Variants in ASIC2 observed in about 807,000 individuals in gnomAD.
ASIC2 encodes the protein acid sensing ion channel subunit 2, also known as acid-sensing ion channel 2.
In ASIC2, 25 loss-of-function variants were observed where a neutral mutation model predicts 57.3. The ratio of observed to expected loss-of-function variants is 0.44; its 90% confidence interval spans 0.32 to 0.61. The LOEUF (loss-of-function observed/expected upper bound fraction) is 0.61, where lower values mean the gene tolerates loss of function less well. Ranked by LOEUF, ASIC2 falls within the 20% of genes least tolerant of loss-of-function variation. The probability of loss-of-function intolerance (pLI) is 0.06; values close to 1 mark genes in which losing one functional copy is unlikely to be tolerated. For synonymous variants in ASIC2, 319 were observed against 307.5 expected (o/e 1.04, Z -0.39); for missense variants, 641 against 738.1 (o/e 0.87, Z 1.52).
At chr17:34,114,529 G>T (rs1350480452) in intron 1 of ASIC2, among the ~76,000 whole-genome samples, 1 of 152,184 alleles carries the variant, frequency 6.6e-6, no homozygotes, top group Non-Finnish European at 1.5e-5. Context: ...CTTGCTGTGT[G>T]TTTTTGGCAA....
chr17:33,573,728 G>A lies in ASIC2; in HGVS notation c.556-461661C>T, dbSNP rs181907595. Among the ~76,000 whole-genome samples, 12 of 152,174 alleles carry A rather than the reference G, an allele frequency of 7.9e-5. No homozygotes were observed. The East Asian group carries it at 1.2e-3, about 15-fold the overall frequency. ...CTACAGGTGCATACCACCACGCCCC[G>A]CTAATTTTTGTATTTTTAACAGAGA... On this transcript the variant is annotated intron_variant, in intron 1 of 9. Coordinates refer to the ASIC2 transcript ENST00000359872.
At chr17:33,629,315 A>G (rs894722099) in intron 1 of ASIC2, among the ~76,000 whole-genome samples, 1 of 73,448 alleles carries the variant, frequency 1.4e-5, no homozygotes, top group Non-Finnish European at 2.6e-5. Context: ...TTAGGCTTCA[A>G]ATTAGAAGGC....
chr17:33,155,923 C>T (rs1904989752), intron 1 of ASIC2, among the ~76,000 whole-genome samples: 1 of 152,084 alleles, frequency 6.6e-6, no homozygotes, highest in Non-Finnish European at 1.5e-5. Context: ...CTTAAGGCCC[C>T]AATTTAATGT....
intron 1 of ASIC2, among the ~76,000 whole-genome samples, chr17:33,945,229 T>C (rs955942400): frequency 6.6e-6 from 1 of 152,152 alleles, no homozygotes; most frequent in Non-Finnish European, 1.5e-5. Context: ...CAATGTCGAT[T>C]TCACAGAATT....
At chr17:33,124,136 T>C (rs1230924902) in intron 1 of ASIC2, among the ~76,000 whole-genome samples, 2 of 152,222 alleles carry the variant, frequency 1.3e-5, no homozygotes, top group Non-Finnish European at 2.9e-5. Flanking sequence ...ACTGAGTTCA[T>C]GTTTTCTTAT....
chr17:33,495,891 G>C (rs529338373), intron 1 of ASIC2, among the ~76,000 whole-genome samples: 2 of 152,310 alleles, frequency 1.3e-5, no homozygotes, highest in East Asian at 3.9e-4. Flanking sequence ...GGATTTGCTT[G>C]GCTGAAGGCA....
intron 1 of ASIC2, among the ~76,000 whole-genome samples, chr17:33,927,141 C>G (rs1915840519): frequency 2.0e-5 from 3 of 152,120 alleles, no homozygotes; most frequent in African/African-American, 7.2e-5. Flanking sequence ...GTTGGCCAGG[C>G]TGGTCTCAAA....
At chr17:33,652,175 A>G (rs1906940781) in intron 1 of ASIC2, among the ~76,000 whole-genome samples, 1 of 152,188 alleles carries the variant, frequency 6.6e-6, no homozygotes, top group Non-Finnish European at 1.5e-5. Context: ...ATCAGGACCT[A>G]GGGATGTGAA....
At chr17:33,579,278 CTG>C (rs1394117602) in intron 1 of ASIC2, among the ~76,000 whole-genome samples, 93 of 113,170 alleles carry the variant, frequency 8.2e-4, no homozygotes, top group African/African-American at 3.5e-3. Flanking sequence ...ACGAATGAAA[CTG>C]TGTCTCAAAA....
At chr17:33,220,652 C>T (rs951733046) in intron 1 of ASIC2, among the ~76,000 whole-genome samples, 9 of 151,906 alleles carry the variant, frequency 5.9e-5, no homozygotes, top group Non-Finnish European at 1.0e-4. Flanking sequence ...ACAAAGCACC[C>T]GGCCTAATTC....
chr17:34,151,622 C>T (rs2142144562), intron 1 of ASIC2, among the ~76,000 whole-genome samples: 1 of 152,178 alleles, frequency 6.6e-6, no homozygotes, highest in South Asian at 2.1e-4. Context: ...ATGAAGAGCA[C>T]AGAGAAAAGT....
At chr17:33,192,040 TTTC>T (rs1906441972) in intron 1 of ASIC2, among the ~76,000 whole-genome samples, 1 of 152,180 alleles carries the variant, frequency 6.6e-6, no homozygotes, top group South Asian at 2.1e-4. Flanking sequence ...TCCTTTCCTC[TTTC>T]TTCTCTCTCT....
chr17:33,471,146 C>T (rs911886185), intron 1 of ASIC2, among the ~76,000 whole-genome samples: 7 of 152,146 alleles, frequency 4.6e-5, no homozygotes, highest in Non-Finnish European at 1.0e-4. Context: ...CTTTGGCTCA[C>T]GTTTGTCCTT....
rs9904449 is a variant in ASIC2 at position 33,628,304 on chromosome 17, T to A, written c.556-516237A>T. Among the ~76,000 whole-genome samples the A allele has an allele frequency of 2.3e-3, 351 of 152,098 alleles. 1 individual carries two copies. Among genetic ancestry groups the A allele is most frequent in the African/African-American group, 7.8e-3 (324 of 41,462 alleles). ...TCTACCTGTCTGGTCTTTTTTTTTT[T>A]TTGTTGAGACAGGTTCTCACTCTGT... is the stretch of plus-strand genomic sequence containing the variant. On this transcript the variant is annotated intron_variant, in intron 1 of 9. Coordinates refer to the ASIC2 transcript ENST00000359872.
intron 1 of ASIC2, among the ~76,000 whole-genome samples, chr17:33,915,390 T>C (rs1019312238): frequency 1.3e-5 from 2 of 152,218 alleles, no homozygotes; most frequent in Non-Finnish European, 2.9e-5. Flanking sequence ...CCTTTCTTGG[T>C]TCTCTTGGAA....
In ASIC2 at chr17:33,289,446, G is replaced by A. The variant is rs534497093; in HGVS notation, c.708+1962C>T. 6.6e-5 allele frequency among the ~76,000 whole-genome samples: 10 copies of A among 152,296 alleles called. No individual in the cohort carries two copies. In the South Asian group the frequency reaches 1.5e-3, roughly 22 times the overall value. ...ACTCTGATGACCTGGGCCACATGGG[G>A]TGGCTCCACTTTCCACTCTCCCAGC... is the stretch of plus-strand genomic sequence containing the variant. On this transcript the variant is annotated intron_variant, in intron 1 of 9. Coordinates refer to ENST00000225823, the MANE Select transcript of ASIC2 (RefSeq NM_183377.2).
At chr17:33,972,297 G>A (rs1468946680) in intron 1 of ASIC2, among the ~76,000 whole-genome samples, 2 of 152,076 alleles carry the variant, frequency 1.3e-5, no homozygotes, top group African/African-American at 2.4e-5. Flanking sequence ...TACATTTGAC[G>A]ATTGATTTAG....
intron 1 of ASIC2, among the ~76,000 whole-genome samples, chr17:33,876,895 G>C (rs968113520): frequency 2.0e-5 from 3 of 152,208 alleles, no homozygotes; most frequent in African/African-American, 7.2e-5. Flanking sequence ...GATGGAATCT[G>C]AGTTTGGCAC....
At chr17:34,148,730 T>C (rs1311939915) in intron 1 of ASIC2, among the ~76,000 whole-genome samples, 1 of 152,118 alleles carries the variant, frequency 6.6e-6, no homozygotes, top group African/African-American at 2.4e-5. Context: ...TGGTGCATCT[T>C]AGCAAACATT....
Sources: gnomAD v4.1 joint callset for allele counts (sites outside exome capture counted in the v4.1 genomes callset) on GRCh38, gnomAD v4.1.1 for gene constraint, MANE v1.5 for transcripts, NCBI Gene and HGNC (gene_info 2026-07-23, HGNC 2026-07-21) for gene names.